GLIS3: variants seen among roughly 807,000 people sequenced by gnomAD.
The protein encoded by GLIS3 is zinc finger protein GLIS3.
GLIS3 carries 53 observed loss-of-function variants against 78.6 expected under a neutral mutation model. The observed-to-expected ratio is 0.67, with a 90% CI of 0.54 to 0.85. The LOEUF (loss-of-function observed/expected upper bound fraction) is 0.85. GLIS3 is among the 40% of genes least tolerant of loss of function. The pLI is 0.00. For synonymous variants in GLIS3, 684 were observed against 509.9 expected (o/e 1.34, Z -4.60); for missense variants, 1,703 against 1,231.1 (o/e 1.38, Z -5.74).
Position 4,039,520 on chromosome 9 carries a change from C to T in GLIS3, c.1710+78248G>A, listed in dbSNP as rs145839247. On this transcript the variant is annotated intron_variant, in intron 4 of 10. Coordinates refer to ENST00000381971, the MANE Select transcript of GLIS3 (RefSeq NM_001042413.2). Reference sequence around the variant, plus strand: ...AATACAAAACTTCACAAACACAGGACGGCAGCCTCAAAAAGGAGCTTACAG... The same window carrying T: ...AATACAAAACTTCACAAACACAGGATGGCAGCCTCAAAAAGGAGCTTACAG... Among the ~76,000 whole-genome samples the T allele has an allele frequency of 1.1e-3, 174 of 152,220 alleles. 2 individuals carry two copies. The East Asian group carries it at 0.017, about 15-fold the overall frequency.
At chr9:4,143,881 G>A (rs1000810544) in intron 2 of GLIS3, among the ~76,000 whole-genome samples, 2 of 152,136 alleles carry the variant, frequency 1.3e-5, no homozygotes, top group Non-Finnish European at 2.9e-5. Flanking sequence ...ACTATCTATG[G>A]CGAAACCATC....
At chr9:3,965,219 G>C (rs1817852319) in intron 4 of GLIS3, among the ~76,000 whole-genome samples, 1 of 80,938 alleles carries the variant, frequency 1.2e-5, no homozygotes, top group African/African-American at 4.7e-5. Context: ...TTTTGAGACA[G>C]AGTCTCGCTC....
At chr9:3,863,349 G>A (rs116901870) in intron 8 of GLIS3, among the ~76,000 whole-genome samples, 1,702 of 152,260 alleles carry the variant, frequency 0.011, 9 homozygotes, top group Middle Eastern at 0.02. Flanking sequence ...AATTGAATTC[G>A]GCTTCTGAGA....
At chr9:4,096,702 G>A (rs1829976900) in intron 4 of GLIS3, among the ~76,000 whole-genome samples, 1 of 152,078 alleles carries the variant, frequency 6.6e-6, no homozygotes, top group African/African-American at 2.4e-5. Flanking sequence ...GAAGGGGGCG[G>A]AGAACAGCTT....
intron 2 of GLIS3, among the ~76,000 whole-genome samples, chr9:4,330,824 G>A (rs1296652276): frequency 2.6e-5 from 4 of 152,162 alleles, no homozygotes; most frequent in Admixed American, 6.5e-5. Context: ...AGACTTTTCA[G>A]AATCATCCAC....
At chr9:3,854,960 C>G (rs1277779110) in intron 9 of GLIS3, among the ~76,000 whole-genome samples, 1 of 152,164 alleles carries the variant, frequency 6.6e-6, no homozygotes, top group Admixed American at 6.6e-5. Flanking sequence ...GGGAACATCA[C>G]CCATTAATTT....
At chr9:4,063,083 T>A (rs1376317851) in intron 4 of GLIS3, among the ~76,000 whole-genome samples, 1 of 150,980 alleles carries the variant, frequency 6.6e-6, no homozygotes, top group Non-Finnish European at 1.5e-5. Flanking sequence ...CTGAGTTCCA[T>A]ATCTGCAAAA....
Position 4,118,806 on chromosome 9 carries a change from C to A in GLIS3, c.672G>T (p.Lys224Asn). 1 of 1,610,068 alleles carries A rather than the reference C, an allele frequency of 6.2e-7. No homozygotes were observed. Among genetic ancestry groups the A allele is most frequent in the Non-Finnish European group, 8.5e-7 (1 of 1,180,012 alleles). ...CCCTGTAGCCCTGGGACCACTCCTG[C>A]TTCATGCTTGAGGCCGACTGACTTT... ...LTESQSASSMKQEWSQGYRAL... is the reference protein window; with the variant it reads ...LTESQSASSMNQEWSQGYRAL... The change falls in exon 4 of 11, where the codon AAG becomes AAT. Residue 224 changes from lysine to asparagine, a missense_variant. Coordinates refer to ENST00000381971, the MANE Select transcript of GLIS3 (RefSeq NM_001042413.2). The surrounding 1 kb of genome is among the most constrained non-coding windows in gnomAD (Gnocchi z 4.7).
intron 4 of GLIS3, among the ~76,000 whole-genome samples, chr9:4,029,629 C>T (rs956307198): frequency 6.6e-6 from 1 of 151,096 alleles, no homozygotes; most frequent in East Asian, 2.0e-4. Context: ...CCTATGGTAA[C>T]CATCCTTCTA....
the GLIS3 span, among the ~76,000 whole-genome samples, chr9:4,420,589 A>G: frequency 6.6e-6 from 1 of 152,108 alleles, no homozygotes; most frequent in Admixed American, 6.5e-5. Flanking sequence ...TTCTCTCCCT[A>G]ATGTTTAATC....
chr9:4,435,766 A>G, the GLIS3 span, among the ~76,000 whole-genome samples: 369 of 152,100 alleles, frequency 2.4e-3, 1 homozygote, highest in African/African-American at 7.3e-3. Context: ...TGGCTAATAC[A>G]GTGAAACCCT....
the GLIS3 span, among the ~76,000 whole-genome samples, chr9:4,385,009 G>T: frequency 6.6e-6 from 1 of 152,150 alleles, no homozygotes; most frequent in Non-Finnish European, 1.5e-5. Context: ...AGAAACCAAG[G>T]GCAGATGCCT....
chr9:4,175,400 C>G (rs59023164), intron 2 of GLIS3, among the ~76,000 whole-genome samples: 1 of 152,074 alleles, frequency 6.6e-6, no homozygotes, highest in African/African-American at 2.4e-5. Context: ...TCCTTCTCCA[C>G]AGTTCTGGAA....
intron 7 of GLIS3, among the ~76,000 whole-genome samples, chr9:3,886,268 TTTG>T (rs998011287): frequency 1.1e-4 from 17 of 152,110 alleles, no homozygotes; most frequent in African/African-American, 4.1e-4. Context: ...AAATAAGCTT[TTTG>T]TTGTTCTATT....
intron 2 of GLIS3, among the ~76,000 whole-genome samples, chr9:4,330,810 TGA>T (rs1333491187): frequency 2.0e-5 from 3 of 152,130 alleles, no homozygotes; most frequent in Non-Finnish European, 4.4e-5. Flanking sequence ...CAATCGATGC[TGA>T]GAGACTTTTC....
chr9:3,940,090 C>G (rs1368332341), intron 4 of GLIS3, among the ~76,000 whole-genome samples: 1 of 152,166 alleles, frequency 6.6e-6, no homozygotes, highest in Admixed American at 6.5e-5. Context: ...GGGAATAACC[C>G]TGTAATTCAT....
chr9:4,255,016 C>T (rs1034283019), intron 2 of GLIS3, among the ~76,000 whole-genome samples: 2 of 152,150 alleles, frequency 1.3e-5, no homozygotes, highest in African/African-American at 4.8e-5. Flanking sequence ...TAAAACTCAA[C>T]AATGAGAAAA....
chr9:4,096,258 G>T (rs1829939168), intron 4 of GLIS3, among the ~76,000 whole-genome samples: 1 of 152,134 alleles, frequency 6.6e-6, no homozygotes, highest in African/African-American at 2.4e-5. Flanking sequence ...AATTAACTCT[G>T]TTTAGACTAA....
At chr9:4,463,567 G>A in the GLIS3 span, among the ~76,000 whole-genome samples, 1 of 152,110 alleles carries the variant, frequency 6.6e-6, no homozygotes, top group African/African-American at 2.4e-5. Flanking sequence ...TAAGGTGTGG[G>A]TAGCTGATGG....
Sources: allele counts gnomAD v4.1 joint callset (sites outside exome capture counted in the v4.1 genomes callset), GRCh38; gene constraint gnomAD v4.1.1; non-coding constraint Gnocchi (gnomAD v3.1); transcripts MANE v1.5; gene names NCBI Gene and HGNC (gene_info 2026-07-23, HGNC 2026-07-21).